ATP6V1E1: variants seen among roughly 807,000 people sequenced by gnomAD.
ATP6V1E1 encodes ATPase H+ transporting V1 subunit E1.
ATP6V1E1 carries 21 observed loss-of-function variants against 35.2 expected under a neutral mutation model. That is an observed-to-expected ratio of 0.60 (90% CI 0.42 to 0.86). The LOEUF is 0.86. Ranked by LOEUF, ATP6V1E1 falls within the 40% of genes least tolerant of loss-of-function variation. The pLI is 0.00. For missense variants in ATP6V1E1, 183 were observed against 272.6 expected (o/e 0.67, Z 2.32); for synonymous variants, 83 against 87.8 (o/e 0.95, Z 0.30).
chr22:17,620,445 C>T (rs530853990), intron 1 of ATP6V1E1, among the ~76,000 whole-genome samples: 26 of 152,012 alleles, frequency 1.7e-4, no homozygotes, highest in South Asian at 1.2e-3. Flanking sequence ...CCGCGCACGG[C>T]GAGCAACCTT....
chr22:17,602,341 T>C (rs887389258), intron 4 of ATP6V1E1, among the ~76,000 whole-genome samples: 2 of 151,450 alleles, frequency 1.3e-5, no homozygotes, highest in Admixed American at 1.3e-4. Flanking sequence ...ATATCATTTG[T>C]TAAGTAATAA....
chr22:17,609,400 T>A (rs1280742241), intron 4 of ATP6V1E1, among the ~76,000 whole-genome samples: 1 of 149,462 alleles, frequency 6.7e-6, no homozygotes, highest in African/African-American at 2.5e-5. Flanking sequence ...CCTCAAGTGA[T>A]CCATCCGCCT....
At chr22:17,605,205 CAA>C (rs898076791) in intron 4 of ATP6V1E1, among the ~76,000 whole-genome samples, 4 of 54,876 alleles carry the variant, frequency 7.3e-5, no homozygotes, top group Non-Finnish European at 1.0e-4. Context: ...GACTTCATCT[CAA>C]AAAAAAAAAA....
intron 2 of ATP6V1E1, among the ~76,000 whole-genome samples, chr22:17,615,987 G>T (rs1466861168): frequency 6.6e-6 from 1 of 151,044 alleles, no homozygotes; most frequent in African/African-American, 2.4e-5. Context: ...TGCTGAGATC[G>T]TGCCATTGCA....
intron 7 of ATP6V1E1, among the ~76,000 whole-genome samples, chr22:17,597,009 G>A (rs1056562126): frequency 3.9e-5 from 6 of 151,914 alleles, no homozygotes; most frequent in Admixed American, 1.3e-4. Flanking sequence ...TTGGGAGGCC[G>A]AGCGGGCAGA....
intron 1 of ATP6V1E1, 79 bp from the exon 2 acceptor site, chr22:17,619,605 G>A: frequency 7.9e-7 from 1 of 1,270,236 alleles, no homozygotes; most frequent in South Asian, 1.4e-5. Context: ...AGTAATCATA[G>A]GTAGGTGCAG....
At chr22:17,626,142 T>TA (rs1008093329) in intron 1 of ATP6V1E1, among the ~76,000 whole-genome samples, 38 of 151,176 alleles carry the variant, frequency 2.5e-4, no homozygotes, top group African/African-American at 9.0e-4. Context: ...CCATCTCTAA[T>TA]AAAAAATAGA....
intron 4 of ATP6V1E1, among the ~76,000 whole-genome samples, chr22:17,608,548 C>A (rs1328412850): frequency 6.6e-6 from 1 of 152,264 alleles, no homozygotes; most frequent in East Asian, 1.9e-4. Context: ...ATCTCAGCCT[C>A]CAGAGTAGCT....
At chr22:17,607,121 AT>A (rs1181763775) in intron 4 of ATP6V1E1, among the ~76,000 whole-genome samples, 3 of 151,302 alleles carry the variant, frequency 2.0e-5, no homozygotes, top group East Asian at 1.9e-4. Flanking sequence ...AAACACAATG[AT>A]TTTTTTCACC....
intron 2 of ATP6V1E1, 106 bp from the exon 3 acceptor site, chr22:17,613,426 T>C (rs1311491971): frequency 1.2e-6 from 1 of 809,252 alleles, no homozygotes; most frequent in South Asian, 1.6e-5. Flanking sequence ...ATTTCATATA[T>C]AAAACAGAAA....
At chr22:17,601,854 G>A (rs758293893) in intron 4 of ATP6V1E1, among the ~76,000 whole-genome samples, 14 of 152,198 alleles carry the variant, frequency 9.2e-5, no homozygotes, top group Non-Finnish European at 1.9e-4. Context: ...TGATCCGCCT[G>A]CCTTGGCCTC....
chr22:17,594,714 T>C, intron 7 of ATP6V1E1, 98 bp from the exon 8 acceptor site: 1 of 994,136 alleles, frequency 1.0e-6, no homozygotes, highest in Non-Finnish European at 1.4e-6. Context: ...TGTCTTGGTG[T>C]GTAGACTGCG....
intron 1 of ATP6V1E1, among the ~76,000 whole-genome samples, chr22:17,627,551 G>C (rs190197703): frequency 2.4e-4 from 37 of 151,812 alleles, no homozygotes; most frequent in Middle Eastern, 3.4e-3. Context: ...TGGCGCGTTG[G>C]CTCATGCCTG....
chr22:17,610,069 G>A (rs1169371498), intron 4 of ATP6V1E1, among the ~76,000 whole-genome samples: 1 of 151,966 alleles, frequency 6.6e-6, no homozygotes, highest in East Asian at 1.9e-4. Context: ...GAGTTTGTGA[G>A]CTATGACTGC....
chr22:17,605,385 C>T (rs1445304559), intron 4 of ATP6V1E1, among the ~76,000 whole-genome samples: 1 of 150,294 alleles, frequency 6.7e-6, no homozygotes, highest in Non-Finnish European at 1.5e-5. Flanking sequence ...ACAAAATTAG[C>T]CTGGCATGGT....
chr22:17,618,890 C>T (rs555466858), intron 2 of ATP6V1E1: 2 of 419,936 alleles, frequency 4.8e-6, no homozygotes, highest in Non-Finnish European at 4.7e-6. Flanking sequence ...GTCCCAGCTA[C>T]TTGGGAGGCT....
intron 1 of ATP6V1E1, 113 bp from the exon 2 acceptor site, chr22:17,619,639 A>G (rs551592016): frequency 2.3e-6 from 2 of 874,406 alleles, no homozygotes; most frequent in Non-Finnish European, 3.5e-6. Context: ...TAATCCTACC[A>G]CTCTGGGGGG....
Position 17,597,037 on chromosome 22 carries a change from C to T in ATP6V1E1, c.530+1157G>A, listed in dbSNP as rs757935740. On this transcript the variant is annotated intron_variant, in intron 7 of 8. Coordinates refer to ENST00000253413, the MANE Select transcript of ATP6V1E1 (RefSeq NM_001696.4). ...CGGGCAGATCACGAGGTCAGGAGAT[C>T]GAGACCATCCTGGCTAACACAGTGA... is the stretch of plus-strand genomic sequence containing the variant. Among the ~76,000 whole-genome samples, 28 of 151,802 alleles carry T rather than the reference C, an allele frequency of 1.8e-4. 1 individual carries two copies. The highest frequency in any genetic ancestry group is 3.5e-4 in the Non-Finnish European group (24 of 68,008).
At position 17,601,255 on chromosome 22, in the gene ATP6V1E1, C is replaced by G. The variant is rs201051793; in HGVS notation, c.277-74G>C. On this transcript the variant is annotated intron_variant, in intron 4 of 8. Coordinates refer to ENST00000253413, the MANE Select transcript of ATP6V1E1 (RefSeq NM_001696.4). ...GCTCAGAACCCACTGTGAGGCTGAT[C>G]CTGGCTCATGCCCAGCTGCCTCACA... 1.4e-4 allele frequency: 170 copies of G among 1,208,068 alleles called. 2 individuals are homozygous for G. The East Asian group carries it at 4.0e-3, about 28-fold the overall frequency. 74.8% of individuals were successfully genotyped at this position (1,208,068 alleles called of 1,614,324 possible).
Sources: gnomAD v4.1 joint callset for allele counts (sites outside exome capture counted in the v4.1 genomes callset) on GRCh38, gnomAD v4.1.1 for gene constraint, MANE v1.5 for transcripts, NCBI Gene and HGNC (gene_info 2026-07-23, HGNC 2026-07-21) for gene names.